Variants in NLGN4X observed in about 807,000 individuals in gnomAD.
NLGN4X encodes neuroligin 4 X-linked, also known as neuroligin-4, X-linked.
NLGN4X carries 3 observed loss-of-function variants against 40.3 expected under a neutral mutation model. That is an observed-to-expected ratio of 0.07 (90% confidence interval 0.03 to 0.19). The LOEUF is 0.19. Among genes scored for constraint, NLGN4X ranks in the 10% least tolerant of loss-of-function variants. NLGN4X has a pLI of 1.00. For synonymous variants in NLGN4X, 270 were observed against 306.8 expected, an observed-to-expected ratio of 0.88 and a Z score of 1.25; for missense variants, 382 against 708.3, an observed-to-expected ratio of 0.54 and a Z score of 5.23.
chrX:5,907,905 G>GAGAGAGA (rs1214808128), intron 4 of NLGN4X, among the ~76,000 whole-genome samples: 2 of 106,521 alleles, frequency 1.9e-5, no homozygotes, highest in Non-Finnish European at 3.9e-5. Context: ...AAGAAACAAA[G>GAGAGAGA]AGAGAGAGGG....
intron 2 of NLGN4X, among the ~76,000 whole-genome samples, chrX:6,065,448 TG>T (rs2037887270): frequency 9.1e-6 from 1 of 110,408 alleles, no homozygotes; most frequent in East Asian, 2.8e-4. Flanking sequence ...CATTTAAAAC[TG>T]GTATCTCTCC....
At chrX:6,083,255 G>A (rs1414417648) in intron 2 of NLGN4X, among the ~76,000 whole-genome samples, 2 of 110,548 alleles carry the variant, frequency 1.8e-5, no homozygotes, top group African/African-American at 6.6e-5. Flanking sequence ...ACCGCGCCCG[G>A]CCCATGATGC....
chrX:6,208,300 T>C (rs1390685394), intron 1 of NLGN4X, among the ~76,000 whole-genome samples: 3 of 112,601 alleles, frequency 2.7e-5, no homozygotes, highest in Non-Finnish European at 5.6e-5. Flanking sequence ...CACTTTGTTC[T>C]ATCAGATACT....
intron 2 of NLGN4X, among the ~76,000 whole-genome samples, chrX:6,143,500 T>A (rs1453761628): frequency 1.1e-4 from 12 of 112,120 alleles, no homozygotes; most frequent in African/African-American, 3.2e-4. Context: ...TGGAGACAGA[T>A]GAGGAAAGAA....
chrX:5,981,166 A>C (rs981675673), intron 3 of NLGN4X, among the ~76,000 whole-genome samples: 4 of 110,979 alleles, frequency 3.6e-5, no homozygotes, highest in African/African-American at 1.3e-4. Flanking sequence ...CATCAACCAA[A>C]GTACGTTTGT....
At chrX:6,112,183 T>C (rs1045283130) in intron 2 of NLGN4X, among the ~76,000 whole-genome samples, 1 of 111,651 alleles carries the variant, frequency 9.0e-6, no homozygotes, top group Admixed American at 9.5e-5. Context: ...ACTAAAAAAC[T>C]TCCTGTGCTC....
intron 2 of NLGN4X, among the ~76,000 whole-genome samples, chrX:6,031,177 T>G (rs911765776): frequency 1.8e-5 from 2 of 112,314 alleles, no homozygotes; most frequent in African/African-American, 6.5e-5. Flanking sequence ...TGAAAACAGA[T>G]TCTAATTATC....
chrX:5,950,254 C>T (rs747137472), intron 3 of NLGN4X, among the ~76,000 whole-genome samples: 75 of 111,587 alleles, frequency 6.7e-4, no homozygotes, highest in Non-Finnish European at 9.6e-4. Flanking sequence ...TTGTTCAAAC[C>T]GAGATGTGTT....
intron 2 of NLGN4X, among the ~76,000 whole-genome samples, chrX:6,086,296 T>C (rs775628161): frequency 3.6e-5 from 4 of 112,359 alleles, no homozygotes; most frequent in Admixed American, 1.9e-4. Flanking sequence ...TTTAAGTATA[T>C]AAAATTTAAT....
chrX:6,192,723 T>A (rs933299402), intron 1 of NLGN4X, among the ~76,000 whole-genome samples: 1 of 111,465 alleles, frequency 9.0e-6, no homozygotes, highest in Non-Finnish European at 1.9e-5. Flanking sequence ...TGACCCTCCC[T>A]TGTGGATCTG....
intron 4 of NLGN4X, 40 bp from the exon 5 acceptor site, chrX:5,903,906 C>T (rs777394995): frequency 3.3e-6 from 4 of 1,201,575 alleles, no homozygotes; most frequent in East Asian, 5.9e-5. Context: ...TGAAAACCCA[C>T]AGGACAGAAA....
chrX:6,154,371 A>C (rs911884072), intron 1 of NLGN4X, among the ~76,000 whole-genome samples: 1 of 111,975 alleles, frequency 8.9e-6, no homozygotes, highest in Admixed American at 9.5e-5. Context: ...CATATTCAAA[A>C]AATTGGCAAC....
chrX:5,925,869 TATACATACACAC>T (rs2033262960), intron 3 of NLGN4X, among the ~76,000 whole-genome samples: 3 of 51,038 alleles, frequency 5.9e-5, no homozygotes, highest in Admixed American at 2.9e-4. Flanking sequence ...TATATATATA[TATACATACACAC>T]ATATATATAT....
chrX:6,072,408 A>T (rs1231077234), intron 2 of NLGN4X, among the ~76,000 whole-genome samples: 1 of 111,300 alleles, frequency 9.0e-6, no homozygotes, highest in African/African-American at 3.3e-5. Flanking sequence ...ACAGTGGGCC[A>T]AAATATACAA....
intron 1 of NLGN4X, among the ~76,000 whole-genome samples, chrX:6,196,279 C>A (rs968169804): frequency 9.0e-6 from 1 of 111,359 alleles, no homozygotes; most frequent in African/African-American, 3.3e-5. Flanking sequence ...GAAAGTGTTT[C>A]GGTGGCTCAC....
chrX:5,910,744 C>T (rs550342747), intron 3 of NLGN4X, among the ~76,000 whole-genome samples: 27 of 111,447 alleles, frequency 2.4e-4, no homozygotes, highest in African/African-American at 7.2e-4. Context: ...AGTCACAGGA[C>T]GATTTTCGTT....
chrX:6,079,566 C>A (rs1434935431), intron 2 of NLGN4X, among the ~76,000 whole-genome samples: 1 of 111,857 alleles, frequency 8.9e-6, no homozygotes, highest in Non-Finnish European at 1.9e-5. Flanking sequence ...CACATGGGTA[C>A]ATGAGCACCA....
chrX:6,045,004 C>G, intron 2 of NLGN4X, among the ~76,000 whole-genome samples: 1 of 111,924 alleles, frequency 8.9e-6, no homozygotes, highest in East Asian at 2.8e-4. Flanking sequence ...GTTGGCAAAG[C>G]ATACTCCAAT....
intron 2 of NLGN4X, among the ~76,000 whole-genome samples, chrX:6,046,118 CAT>C (rs1235620969): frequency 2.9e-4 from 32 of 111,928 alleles, no homozygotes; most frequent in African/African-American, 8.7e-4. Flanking sequence ...GTGTACAGCA[CAT>C]GTTACATAAA....
Sources: gnomAD v4.1 joint callset for allele counts (sites outside exome capture counted in the v4.1 genomes callset) on GRCh38, gnomAD v4.1.1 for gene constraint, MANE v1.5 for transcripts, NCBI Gene and HGNC (gene_info 2026-07-23, HGNC 2026-07-21) for gene names.